Variants in TRIM24 observed in about 807,000 individuals in gnomAD.
TRIM24 encodes transcription intermediary factor 1-alpha.
In TRIM24, 29 loss-of-function variants were observed where a neutral mutation model predicts 123.9. The ratio of observed to expected loss-of-function variants is 0.23; its 90% CI spans 0.17 to 0.32. The LOEUF (loss-of-function observed/expected upper bound fraction) is 0.32. Ranked by LOEUF, TRIM24 falls within the 10% of genes least tolerant of loss-of-function variation. TRIM24 has a pLI of 1.00. For missense variants in TRIM24, 932 were observed against 1,295.3 expected, an observed-to-expected ratio of 0.72 and a Z score of 4.31; for synonymous variants, 456 against 461.1, an observed-to-expected ratio of 0.99 and a Z score of 0.14.
chr7:138,531,725 A>G (rs1460871050), intron 6 of TRIM24, among the ~76,000 whole-genome samples: 1 of 152,218 alleles, frequency 6.6e-6, no homozygotes, highest in African/African-American at 2.4e-5. Context: ...TCCTTTGGGT[A>G]TATACCCAGT....
intron 1 of TRIM24, among the ~76,000 whole-genome samples, chr7:138,496,831 A>AT (rs1795918040): frequency 6.6e-6 from 1 of 151,876 alleles, no homozygotes. Flanking sequence ...TTCCAGATAT[A>AT]TTGAGATGAT....
chr7:138,584,196 A>G (rs1301943751), intron 18 of TRIM24, among the ~76,000 whole-genome samples, 197 bp downstream of exon 18: 1 of 152,242 alleles, frequency 6.6e-6, no homozygotes, highest in African/African-American at 2.4e-5. Flanking sequence ...ATGGTGATGG[A>G]AATGCAAATT....
intron 9 of TRIM24, among the ~76,000 whole-genome samples, chr7:138,558,473 T>C (rs906110648): frequency 6.6e-6 from 1 of 152,154 alleles, no homozygotes; most frequent in Non-Finnish European, 1.5e-5. Context: ...GCTCCTTTGC[T>C]TCCTACTGCC....
chr7:138,552,684 G>C (rs2116632808), intron 8 of TRIM24, among the ~76,000 whole-genome samples: 1 of 152,192 alleles, frequency 6.6e-6, no homozygotes, highest in East Asian at 1.9e-4. Flanking sequence ...AGGAAAGGAG[G>C]AAATAGGCAA....
At chr7:138,579,809 G>C (rs940967705) in intron 15 of TRIM24, among the ~76,000 whole-genome samples, 2 of 152,150 alleles carry the variant, frequency 1.3e-5, no homozygotes, top group African/African-American at 4.8e-5. Flanking sequence ...TGTAGTCCCA[G>C]CTACTCAGGA....
intron 8 of TRIM24, among the ~76,000 whole-genome samples, chr7:138,552,874 T>C (rs1797240335): frequency 6.6e-6 from 1 of 152,184 alleles, no homozygotes; most frequent in African/African-American, 2.4e-5. Flanking sequence ...AAGTAACTTA[T>C]TGCCACACCT....
rs931148199 is a variant in TRIM24, at chr7:138,585,065, G to C, written c.*114G>C. On this transcript the variant is annotated 3_prime_UTR_variant, in exon 19 of 19. Coordinates refer to ENST00000343526, the MANE Select transcript of TRIM24 (RefSeq NM_015905.3). The stretch of plus-strand genomic sequence containing the variant: ...AGAGTTTGTGACTATTCTCATCTCT[G>C]TTTTGGACGTTTACTAGACTTTGAT... 3 of 857,556 alleles carry C rather than the reference G, an allele frequency of 3.5e-6. No homozygotes were observed. The highest frequency in any genetic ancestry group is 5.2e-6 in the Non-Finnish European group (3 of 579,338). The allele number at this position is 857,556 out of a possible 1,614,324, so 53.1% of individuals were successfully genotyped here. A position where few individuals can be genotyped will look rare whatever the true frequency, so the allele number is the denominator to read the frequency against.
chr7:138,520,575 A>G (rs1046556527), intron 4 of TRIM24, among the ~76,000 whole-genome samples: 5 of 152,174 alleles, frequency 3.3e-5, no homozygotes, highest in Admixed American at 2.0e-4. Context: ...TTGTATTCCT[A>G]GCTACTTGGG....
At chr7:138,524,972 A>G (rs1366351631) in intron 4 of TRIM24, among the ~76,000 whole-genome samples, 1 of 152,164 alleles carries the variant, frequency 6.6e-6, no homozygotes, top group African/African-American at 2.4e-5. Flanking sequence ...AAGTCCACCA[A>G]GTGAAAGTGA....
intron 1 of TRIM24, among the ~76,000 whole-genome samples, chr7:138,469,983 G>A (rs1469000509): frequency 6.6e-6 from 1 of 152,092 alleles, no homozygotes; most frequent in African/African-American, 2.4e-5. Flanking sequence ...ACCCCCATTT[G>A]CCTGTAAGTC....
intron 11 of TRIM24, among the ~76,000 whole-genome samples, chr7:138,571,769 CTA>C (rs1797661896): frequency 1.3e-5 from 2 of 152,062 alleles, no homozygotes; most frequent in South Asian, 2.1e-4. Flanking sequence ...GGGAGACGCC[CTA>C]TGTTACCCAG....
At chr7:138,558,675 A>G (rs900269724) in intron 9 of TRIM24, among the ~76,000 whole-genome samples, 1 of 152,240 alleles carries the variant, frequency 6.6e-6, no homozygotes, top group African/African-American at 2.4e-5. Context: ...GGTTTTCTTT[A>G]TAATATACAG....
rs917968583 is a variant in TRIM24, at chr7:138,587,049, T to C, written c.*2098T>C. On this transcript the variant is annotated 3_prime_UTR_variant, in exon 19 of 19. Coordinates refer to ENST00000343526, the MANE Select transcript of TRIM24 (RefSeq NM_015905.3). ...ATCTTTTGGTCATACATAATATAAT[T>C]ATATTAAAAGTAAAGATCGGGGCTG... 8 of 152,082 alleles carry C rather than the reference T, an allele frequency of 5.3e-5. No homozygotes were observed. The highest frequency in any genetic ancestry group is 1.9e-4 in the African/African-American group (8 of 41,398). The allele number at this position is 152,082 out of a possible 1,614,324, so 9.4% of individuals were successfully genotyped here.
At chr7:138,584,672 C>A in intron 18 of TRIM24, 70 bp from the exon 19 acceptor site, 1 of 1,240,632 alleles carries the variant, frequency 8.1e-7, no homozygotes, top group Non-Finnish European at 1.1e-6. Flanking sequence ...CAAAACAGCT[C>A]ATTAATATAT....
At chr7:138,542,477 A>G (rs995252503) in intron 7 of TRIM24, among the ~76,000 whole-genome samples, 12 of 152,184 alleles carry the variant, frequency 7.9e-5, no homozygotes, top group African/African-American at 1.2e-4. Context: ...CACAATATTA[A>G]CATGAAAGAC....
intron 9 of TRIM24, among the ~76,000 whole-genome samples, chr7:138,561,846 C>T (rs1288946023): frequency 6.6e-6 from 1 of 152,164 alleles, no homozygotes; most frequent in African/African-American, 2.4e-5. Context: ...ACAGGAGGGG[C>T]TCCTTTTCTC....
In TRIM24 at chr7:138,479,979, C is replaced by T. The variant is rs116299942; in HGVS notation, c.364+19067C>T. 4.3e-3 allele frequency among the ~76,000 whole-genome samples: 650 copies of T among 150,666 alleles called. 6 individuals are homozygous for T. Among genetic ancestry groups the T allele is most frequent in the African/African-American group, 0.015 (629 of 40,984 alleles). ...GATTACAGACATGCGCCAACACCTC[C>T]GGCTAATTTTTGTGTTTTTAGTAGA... On this transcript the variant is annotated intron_variant, in intron 1 of 18. Coordinates refer to ENST00000343526, the MANE Select transcript of TRIM24 (RefSeq NM_015905.3).
In TRIM24 at chr7:138,579,225, C is replaced by T. The variant is rs2116688870; in HGVS notation, c.2278C>T (p.Leu760Phe). 17 of 1,589,748 alleles carry T rather than the reference C, an allele frequency of 1.1e-5. No individual in the cohort carries two copies. The highest frequency in any genetic ancestry group is 1.5e-5 in the Non-Finnish European group (17 of 1,168,442). Reference sequence around the variant, plus strand: ...ACAGGCCAATTATCCAAGAAGCATACTCACCTCCCTGCTCTTAAATAGCAG... The same window carrying T: ...ACAGGCCAATTATCCAAGAAGCATATTCACCTCCCTGCTCTTAAATAGCAG... ...PQNANYPRSI[L>F]TSLLLNSSQS... Residue 760 changes from leucine to phenylalanine, a missense_variant, in exon 15 of 19, where the codon CTC becomes TTC. Around this residue, in one of 7 missense-constraint regions of TRIM24, gnomAD observed 527 missense variants for 691.3 expected, o/e 0.76. Transcript: ENST00000343526.
In TRIM24 at chr7:138,576,392, T is replaced by C. The variant is rs748915473; in HGVS notation, c.2034T>C (p.Ser678=). 1.2e-5 allele frequency: 19 copies of C among 1,613,708 alleles called. No individual in the cohort carries two copies. The highest frequency in any genetic ancestry group is 4.5e-5 in the East Asian group (2 of 44,886). Residue 678 remains serine (S), a synonymous_variant, in exon 13 of 19, where the codon AGT becomes AGC. Transcript: ENST00000343526. The part of the protein sequence containing the change: ...PGLAGPVTMT[S]VHPPIRSPSA... ...CCTCAGGACCTGTTACTATGACTAG[T>C]GTACACCCCCCAATACGTTCACCTA...
Sources: allele counts gnomAD v4.1 joint callset (sites outside exome capture counted in the v4.1 genomes callset), GRCh38; gene constraint gnomAD v4.1.1; regional missense constraint gnomAD v4.1.1; transcripts MANE v1.5; gene names NCBI Gene and HGNC (gene_info 2026-07-23, HGNC 2026-07-21).